Variants in USP39 observed in about 807,000 individuals in gnomAD.
The protein encoded by USP39 is ubiquitin specific peptidase 39, also known as ubiquitin carboxyl-terminal hydrolase 39.
USP39 carries 38 observed loss-of-function variants against 66.4 expected under a neutral mutation model. The observed-to-expected ratio is 0.57, with a 90% CI of 0.44 to 0.75. The LOEUF (loss-of-function observed/expected upper bound fraction) is 0.75, where lower values mean the gene tolerates loss of function less well. Among genes scored for constraint, USP39 ranks in the 30% least tolerant of loss-of-function variants. USP39 has a pLI of 0.00. For missense variants in USP39, 608 were observed against 714.4 expected (o/e 0.85, Z 1.70); for synonymous variants, 303 against 274.6 (o/e 1.10, Z -1.02).
intron 9 of USP39, among the ~76,000 whole-genome samples, chr2:85,640,402 C>T (rs1162957754): frequency 2.0e-5 from 3 of 151,624 alleles, no homozygotes; most frequent in Admixed American, 6.6e-5. Context: ...GATTCTTCTG[C>T]CTCAGCCTCC....
chr2:85,611,987 G>T, upstream of USP39: 1 of 1,527,292 alleles, frequency 6.5e-7, no homozygotes, highest in Non-Finnish European at 8.7e-7. Flanking sequence ...GCCTCCATCA[G>T]GAGCCGGGGA....
intron 6 of USP39, among the ~76,000 whole-genome samples, chr2:85,635,348 TCAA>T (rs1675678479): frequency 6.6e-6 from 1 of 152,082 alleles, no homozygotes; most frequent in Non-Finnish European, 1.5e-5. Context: ...TCACTTGAGG[TCAA>T]GAGTTCGAGA....
At chr2:85,637,295 T>G in intron 7 of USP39, 74 bp from the exon 8 acceptor site, 2 of 1,543,172 alleles carry the variant, frequency 1.3e-6, no homozygotes, top group Non-Finnish European at 1.8e-6. Flanking sequence ...TTTCAGAAAT[T>G]TAGAAGCTGG....
intron 5 of USP39, among the ~76,000 whole-genome samples, chr2:85,627,121 T>C (rs1280428029): frequency 7.9e-5 from 12 of 151,164 alleles, no homozygotes; most frequent in Admixed American, 7.9e-4. Flanking sequence ...TTTTTTTTTT[T>C]AGAGGGAGTC....
At chr2:85,619,339 G>A in intron 2 of USP39, 50 bp downstream of exon 2, 2 of 1,589,474 alleles carry the variant, frequency 1.3e-6, no homozygotes, top group Non-Finnish European at 1.7e-6. Context: ...TGGAATCTGT[G>A]CAGAAAGTTT....
intron 5 of USP39, among the ~76,000 whole-genome samples, chr2:85,627,903 T>C (rs983778576): frequency 1.3e-5 from 2 of 152,202 alleles, no homozygotes; most frequent in Non-Finnish European, 2.9e-5. Flanking sequence ...TTAAGAAATA[T>C]ATGATAAAGT....
In USP39 at chr2:85,645,082, A is replaced by G. The variant is rs753514207; in HGVS notation, c.1562A>G (p.His521Arg). ...TCCTACCGGATCCACGTGCTTCATC[A>G]TGTGAGTGGCTGCTGACCGTCTCAT... The part of the protein sequence containing the change: ...EGSYRIHVLH[H>R]GTGKWYELQD... Residue 521 changes from histidine to arginine, a missense_variant and splice_region_variant, in exon 11 of 13, where the codon CAT (histidine) becomes CGT (arginine). His to Arg is a conservative substitution (Grantham distance 29). Around this residue, in one of 6 missense-constraint regions of USP39, gnomAD observed 164 missense variants for 250.3 expected, o/e 0.66. Coordinates refer to ENST00000323701, the MANE Select transcript of USP39 (RefSeq NM_006590.4). The G allele has an allele frequency of 1.9e-6, 3 of 1,614,058 alleles. No individual in the cohort carries two copies. The highest frequency in any genetic ancestry group is 1.7e-5 in the Admixed American group (1 of 59,994).
Position 85,630,791 on chromosome 2 carries a change from C to G in USP39, c.794C>G (p.Pro265Arg), listed in dbSNP as rs1675260721. The change falls in exon 6 of 13, where the codon CCT becomes CGT. Residue 265 changes from proline to arginine, a missense_variant. This residue lies in a region of USP39 where 33 missense variants were observed against 21.7 expected (regional missense o/e 1.52). Coordinates refer to ENST00000323701, the MANE Select transcript of USP39 (RefSeq NM_006590.4). ...GACAATTATAAGAACATCAAACGTC[C>G]TCCAGGGGATATCATGTTCTTGTTG... ...EEDNYKNIKRPPGDIMFLLVQ... is the reference protein window; with the variant it reads ...EEDNYKNIKRRPGDIMFLLVQ... 2.5e-6 allele frequency: 4 copies of G among 1,614,048 alleles called. No individual in the cohort carries two copies. In the African/African-American group the frequency reaches 5.3e-5, roughly 22 times the overall value.
chr2:85,616,232 A>G lies in USP39; in HGVS notation c.37A>G (p.Thr13Ala), dbSNP rs1378525737. The G allele has an allele frequency of 1.3e-6, 2 of 1,487,798 alleles. No homozygotes were observed. The highest frequency in any genetic ancestry group is 1.8e-6 in the Non-Finnish European group (2 of 1,117,142). 92.2% of individuals were successfully genotyped at this position (1,487,798 alleles called of 1,614,324 possible). ...GRSKRESRGSTRGKRESESRG... is the reference protein window; with the variant it reads ...GRSKRESRGSARGKRESESRG... ...GTCTAAGCGGGAGTCTCGCGGTTCCACTCGCGGGAAGCGAGAGTCTGAGTC... is the reference window on the plus strand; with the variant it reads ...GTCTAAGCGGGAGTCTCGCGGTTCCGCTCGCGGGAAGCGAGAGTCTGAGTC... The change falls in exon 1 of 13, where the codon ACT becomes GCT. Residue 13 changes from threonine (T) to alanine (A), a missense_variant. Around this residue, in one of 6 missense-constraint regions of USP39, gnomAD observed 207 missense variants for 145.7 expected, o/e 1.42. Transcript: ENST00000323701.
intron 8 of USP39, among the ~76,000 whole-genome samples, chr2:85,638,107 C>T (rs1384502553): frequency 6.6e-6 from 1 of 151,904 alleles, no homozygotes; most frequent in Non-Finnish European, 1.5e-5. Flanking sequence ...CTGCAACCTC[C>T]ACCTCCCAGG....
rs1290447517 is a variant in USP39 at position 85,639,274 on chromosome 2, G to A, written c.1167G>A (p.Met389Ile). The A allele has an allele frequency of 1.9e-6, 3 of 1,613,794 alleles. No homozygotes were observed. The East Asian group carries it at 6.7e-5, about 36-fold the overall frequency. Residue 389 changes from methionine (M) to isoleucine (I), a missense_variant, in exon 9 of 13, where the codon ATG becomes ATA. Met to Ile is a conservative substitution (Grantham distance 10). This residue lies in a region of USP39 where 164 missense variants were observed against 250.3 expected (regional missense o/e 0.66). Coordinates refer to ENST00000323701, the MANE Select transcript of USP39 (RefSeq NM_006590.4). ...YQETMVESTF[M>I]YLTLDLPTAP... ...AGACAATGGTGGAGTCCACTTTTAT[G>A]TACCTGACGCTGGACCTTCCTACTG...
At chr2:85,611,808 T>A (rs1421371722), upstream of USP39, 1 of 1,608,718 alleles carries the variant, frequency 6.2e-7, no homozygotes, top group East Asian at 2.2e-5. Context: ...CGAGCGGGAG[T>A]CAGGGACTGT....
At chr2:85,646,553 G>T (rs186352970) in intron 11 of USP39, among the ~76,000 whole-genome samples, 1 of 152,176 alleles carries the variant, frequency 6.6e-6, no homozygotes. Flanking sequence ...TTCTTAACTC[G>T]TCCTTGAAGC....
rs1673922489 is a variant in USP39 at position 85,616,228 on chromosome 2, T to G, written c.33T>G (p.Gly11=). ...GCCGGTCTAAGCGGGAGTCTCGCGG[T>G]TCCACTCGCGGGAAGCGAGAGTCTG... MSGRSKRESR[G]STRGKRESES... is the part of the protein sequence containing the mutation. The change falls in exon 1 of 13, where the codon GGT becomes GGG. Residue 11 remains glycine, a synonymous_variant. Coordinates refer to ENST00000323701, the MANE Select transcript of USP39 (RefSeq NM_006590.4). 6.7e-7 allele frequency: 1 copy of G among 1,486,394 alleles called. No individual in the cohort carries two copies. The highest frequency in any genetic ancestry group is 1.5e-5 in the African/African-American group (1 of 68,836). 92.1% of individuals were successfully genotyped at this position (1,486,394 alleles called of 1,614,324 possible). A position where few individuals can be genotyped will look rare whatever the true frequency, so the allele number is the denominator to read the frequency against.
At chr2:85,638,594 A>G (rs1039731701) in intron 8 of USP39, among the ~76,000 whole-genome samples, 1 of 151,914 alleles carries the variant, frequency 6.6e-6, no homozygotes, top group Non-Finnish European at 1.5e-5. Flanking sequence ...GCTGGAGTGC[A>G]ATGGCACTAT....
chr2:85,608,968 C>T (rs1257609773), upstream of USP39: 1 of 1,614,212 alleles, frequency 6.2e-7, no homozygotes, highest in Non-Finnish European at 8.5e-7. Context: ...TGGCGCTTTG[C>T]AATCTCCTCC....
chr2:85,629,797 G>A (rs1270340534), intron 5 of USP39, among the ~76,000 whole-genome samples: 2 of 151,822 alleles, frequency 1.3e-5, no homozygotes, highest in South Asian at 2.1e-4. Context: ...TCGCCTGGCC[G>A]ACCATTTTCC....
At chr2:85,645,601 A>G (rs1362750697) in intron 11 of USP39, among the ~76,000 whole-genome samples, 9 of 152,270 alleles carry the variant, frequency 5.9e-5, no homozygotes, top group Non-Finnish European at 7.4e-5. Flanking sequence ...TAAAATCCCA[A>G]TGCCTGGCAC....
chr2:85,618,116 G>A (rs548221660), intron 1 of USP39, among the ~76,000 whole-genome samples: 3 of 152,090 alleles, frequency 2.0e-5, no homozygotes, highest in East Asian at 2.0e-4. Flanking sequence ...CACCATGCCC[G>A]GCTAATTTTT....
Sources: allele counts gnomAD v4.1 joint callset (sites outside exome capture counted in the v4.1 genomes callset), GRCh38; gene constraint gnomAD v4.1.1; regional missense constraint gnomAD v4.1.1; transcripts MANE v1.5; gene names NCBI Gene and HGNC (gene_info 2026-07-23, HGNC 2026-07-21).